The following PIGN variants were observed in gnomAD, a reference collection of about 807,000 sequenced individuals.
PIGN encodes phosphatidylinositol glycan anchor biosynthesis class N, also known as GPI ethanolamine phosphate transferase 1.
A neutral mutation model predicts 125.4 loss-of-function variants in PIGN; 117 were observed. The observed-to-expected ratio is 0.93, with a 90% CI of 0.80 to 1.09. The LOEUF is 1.09. PIGN is among the 50% of genes least tolerant of loss of function. The pLI is 0.00. For missense variants in PIGN, 1,075 were observed against 1,094.9 expected, an observed-to-expected ratio of 0.98 and a Z score of 0.26; for synonymous variants, 392 against 377.8, an observed-to-expected ratio of 1.04 and a Z score of -0.44.
intron 29 of PIGN, among the ~76,000 whole-genome samples, chr18:62,074,197 C>G (rs753926611): frequency 6.6e-6 from 1 of 152,226 alleles, no homozygotes; most frequent in Non-Finnish European, 1.5e-5. Flanking sequence ...CTGAATATAA[C>G]AGCATTCAGT....
intron 5 of PIGN, 73 bp downstream of exon 5, chr18:62,157,614 T>C (rs2036785577): frequency 3.7e-6 from 5 of 1,353,218 alleles, no homozygotes; most frequent in Non-Finnish European, 5.2e-6. Context: ...CTTTGTGACA[T>C]GATTAAGTGG....
intron 20 of PIGN, 52 bp from the exon 21 acceptor site, chr18:62,102,954 A>G (rs755664227): frequency 1.6e-5 from 16 of 990,558 alleles, no homozygotes; most frequent in Admixed American, 2.9e-5. Flanking sequence ...TTACGAACAC[A>G]TATCAGATGG....
At chr18:62,129,407 G>A (rs2035650975) in intron 14 of PIGN, among the ~76,000 whole-genome samples, 1 of 152,160 alleles carries the variant, frequency 6.6e-6, no homozygotes, top group South Asian at 2.1e-4. Context: ...CCTCAGAAGT[G>A]CGTTGAGCTG....
At chr18:62,035,894 A>T (rs930224740) in intron 23 of PIGN, among the ~76,000 whole-genome samples, 5 of 152,230 alleles carry the variant, frequency 3.3e-5, no homozygotes, top group Non-Finnish European at 5.9e-5. Context: ...TGTATCCAGA[A>T]GCTGGAGGTG....
rs1274018348 is a variant in PIGN, at chr18:62,088,857, G to C, written c.2284-15C>G. On this transcript the variant is annotated splice_polypyrimidine_tract_variant and intron_variant, in intron 24 of 30. Transcript: ENST00000640252. The stretch of plus-strand genomic sequence containing the variant: ...ATACTGGTGAGCTGTGAGATAATAA[G>C]AAAAATATTAATGCACAATAACAGT... 1.4e-6 allele frequency: 2 copies of C among 1,407,624 alleles called. No individual in the cohort carries two copies. Among genetic ancestry groups the C allele is most frequent in the Non-Finnish European group, 2.0e-6 (2 of 1,017,252 alleles). The allele number at this position is 1,407,624 out of a possible 1,614,324, so 87.2% of individuals were successfully genotyped here.
rs1220795520 is a variant in PIGN at position 62,041,640 on chromosome 18, G to GGTGTGTGTGTGTGTGTGTGTGT, written c.*4194_*4215dup. On this transcript the variant is annotated 3_prime_UTR_variant, in exon 31 of 31. Transcript: ENST00000640252. ...ATTACAGGAGCCTACCACCCCGCCG[G>GGTGTGTGTGTGTGTGTGTGTGT]GTGTGTGTGTGTGTGTGTGTGTGTG... 3.9e-5 allele frequency: 3 copies of GGTGTGTGTGTGTGTGTGTGTGT among 77,540 alleles called. No individual in the cohort carries two copies. The highest frequency in any genetic ancestry group is 1.5e-4 in the Admixed American group (1 of 6,760). The allele number at this position is 77,540 out of a possible 1,614,324, so 4.8% of individuals were successfully genotyped here. A position where few individuals can be genotyped will look rare whatever the true frequency, so the allele number is the denominator to read the frequency against.
At chr18:62,143,264 A>AGATAAAATTAAATTTGAATGT in intron 11 of PIGN, 42 bp downstream of exon 11, 1 of 1,020,102 alleles carries the variant, frequency 9.8e-7, no homozygotes. Flanking sequence ...TTCTTATAGA[A>AGATAAAATTAAATTTGAATGT]GATAAAATTA....
chr18:62,152,018 T>C (rs1374397586), intron 7 of PIGN, among the ~76,000 whole-genome samples: 1 of 152,198 alleles, frequency 6.6e-6, no homozygotes, highest in Non-Finnish European at 1.5e-5. Flanking sequence ...GGGTGCAGCC[T>C]GGTTTTATAC....
rs545789295 is a variant in PIGN, at chr18:62,143,290, A to G, written c.963+16T>C. 7.1e-6 allele frequency: 10 copies of G among 1,403,584 alleles called. No individual in the cohort carries two copies. In the East Asian group the frequency reaches 2.4e-4, roughly 34 times the overall value. 86.9% of individuals were successfully genotyped at this position (1,403,584 alleles called of 1,614,324 possible). On this transcript the variant is annotated intron_variant, in intron 11 of 30. Transcript: ENST00000640252. ...GATAAAATTAAATTTGAATGTAATA[A>G]AATCGAACTGGATACCTGATTGACA...
intron 28 of PIGN, chr18:62,075,399 C>G (rs1173402456): frequency 6.6e-6 from 1 of 152,212 alleles, no homozygotes; most frequent in Non-Finnish European, 1.5e-5. Context: ...TGAGTAGAAT[C>G]ACATACATAA....
chr18:62,027,501 C>A (rs912012336), intron 23 of PIGN, among the ~76,000 whole-genome samples: 2 of 152,106 alleles, frequency 1.3e-5, no homozygotes, highest in Admixed American at 1.3e-4. Context: ...CGGGACAACG[C>A]GAAGCAAAAG....
At chr18:62,081,026 A>G (rs1473793547) in intron 28 of PIGN, among the ~76,000 whole-genome samples, 1 of 152,198 alleles carries the variant, frequency 6.6e-6, no homozygotes, top group East Asian at 1.9e-4. Context: ...AAACAATGTT[A>G]ATACAACTTT....
rs568368372 is a variant in PIGN, at chr18:62,102,754, T to A, written c.1968+40A>T. ...TATAACCATAAGACACATTTCAGTA[T>A]ATCATTAGTATAACATAGTATTGAA... On this transcript the variant is annotated intron_variant, in intron 21 of 30. Transcript: ENST00000640252. The A allele has an allele frequency of 5.6e-6, 5 of 885,518 alleles. No homozygotes were observed. In the African/African-American group the frequency reaches 6.9e-5, roughly 12 times the overall value. 54.9% of individuals were successfully genotyped at this position (885,518 alleles called of 1,614,324 possible).
intron 30 of PIGN, among the ~76,000 whole-genome samples, chr18:62,050,709 T>C (rs995605094): frequency 6.6e-6 from 1 of 152,160 alleles, no homozygotes; most frequent in African/African-American, 2.4e-5. Flanking sequence ...TCCTGCCTAA[T>C]TGCCCTGGCC....
intron 30 of PIGN, among the ~76,000 whole-genome samples, chr18:62,054,467 A>T (rs1422168804): frequency 6.6e-6 from 1 of 150,752 alleles, no homozygotes. Context: ...CACACATTCA[A>T]CAAAATACTT....
At chr18:62,104,926 A>T (rs1192407078) in intron 20 of PIGN, 1 of 152,200 alleles carries the variant, frequency 6.6e-6, no homozygotes, top group Non-Finnish European at 1.5e-5. Context: ...AGTTAAAAGC[A>T]AAGGTAACCA....
At chr18:62,149,995 T>C (rs1206106289) in intron 7 of PIGN, among the ~76,000 whole-genome samples, 1 of 150,720 alleles carries the variant, frequency 6.6e-6, no homozygotes, top group African/African-American at 2.5e-5. Flanking sequence ...TTTGTTGCTG[T>C]TGTTGTTGTT....
chr18:62,135,309 A>AT (rs1177257139), intron 14 of PIGN, among the ~76,000 whole-genome samples: 2 of 151,960 alleles, frequency 1.3e-5, no homozygotes, highest in African/African-American at 2.4e-5. Flanking sequence ...GTTATCTTAG[A>AT]TTTTTTTGAC....
downstream of PIGN, among the ~76,000 whole-genome samples, chr18:62,037,741 A>G (rs1038393174): frequency 6.6e-6 from 1 of 152,220 alleles, no homozygotes; most frequent in Non-Finnish European, 1.5e-5. Flanking sequence ...CTATCTTTCC[A>G]GTGTTTGTTG....
Sources: allele counts gnomAD v4.1 joint callset (sites outside exome capture counted in the v4.1 genomes callset), GRCh38; gene constraint gnomAD v4.1.1; transcripts MANE v1.5; gene names NCBI Gene and HGNC (gene_info 2026-07-23, HGNC 2026-07-21).